CDC42BPA: variants seen among roughly 807,000 people sequenced by gnomAD.
CDC42BPA encodes the protein serine/threonine-protein kinase MRCK alpha.
In CDC42BPA, 80 loss-of-function variants were observed where a neutral mutation model predicts 223.5. The ratio of observed to expected loss-of-function variants is 0.36; its 90% confidence interval spans 0.30 to 0.43. The LOEUF is 0.43. CDC42BPA is among the 20% of genes least tolerant of loss of function. The pLI is 1.00. For synonymous variants in CDC42BPA, 694 were observed against 718.6 expected (o/e 0.97, Z 0.55); for missense variants, 1,743 against 2,099.9 (o/e 0.83, Z 3.32).
chr1:227,168,127 G>A (rs1665374726), intron 5 of CDC42BPA, among the ~76,000 whole-genome samples: 1 of 152,058 alleles, frequency 6.6e-6, no homozygotes, highest in Non-Finnish European at 1.5e-5. Context: ...GTTTCACCAT[G>A]TTAGTCAGGC....
At chr1:227,161,151 G>A (rs546905772) in intron 5 of CDC42BPA, among the ~76,000 whole-genome samples, 37 of 152,258 alleles carry the variant, frequency 2.4e-4, no homozygotes, top group Admixed American at 2.2e-3. Context: ...CTAATAGACT[G>A]TCTATATTAT....
At chr1:227,232,287 T>C (rs555993691) in intron 2 of CDC42BPA, among the ~76,000 whole-genome samples, 9 of 152,258 alleles carry the variant, frequency 5.9e-5, no homozygotes, top group Admixed American at 1.3e-4. Context: ...AAGATCAGAT[T>C]GTAGATGTGT....
intron 16 of CDC42BPA, among the ~76,000 whole-genome samples, chr1:227,090,465 G>A (rs1682867804): frequency 6.6e-6 from 1 of 152,046 alleles, no homozygotes; most frequent in South Asian, 2.1e-4. Flanking sequence ...CAATTAACCA[G>A]CCCTTATTAT....
At chr1:227,011,935 C>A (rs966062870) in intron 34 of CDC42BPA, among the ~76,000 whole-genome samples, 1 of 152,110 alleles carries the variant, frequency 6.6e-6, no homozygotes, top group Admixed American at 6.5e-5. Flanking sequence ...AGAGTGCTAA[C>A]TGAATCCAGC....
chr1:227,194,707 A>T (rs980399284), intron 4 of CDC42BPA, among the ~76,000 whole-genome samples: 2 of 152,206 alleles, frequency 1.3e-5, no homozygotes, highest in Non-Finnish European at 2.9e-5. Flanking sequence ...TTACATATAC[A>T]TGTGTATTTG....
rs375780018 is a variant in CDC42BPA at position 227,066,162 on chromosome 1, G to A, written c.2904+3615C>T. 2.0e-3 allele frequency among the ~76,000 whole-genome samples: 297 copies of A among 152,220 alleles called. 2 individuals carry two copies. The highest frequency in any genetic ancestry group is 6.7e-3 in the African/African-American group (278 of 41,528). On this transcript the variant is annotated intron_variant, in intron 21 of 36. Coordinates refer to ENST00000366766, the MANE Select transcript of CDC42BPA (RefSeq NM_001394014.1). ...TCCCAGCACTTTGAGAGGTTGAGACGGGCGGATCATGAGGTCAGGAGTTCA... is the reference window on the plus strand; with the variant it reads ...TCCCAGCACTTTGAGAGGTTGAGACAGGCGGATCATGAGGTCAGGAGTTCA...
chr1:227,059,658 G>A (rs961280379), intron 21 of CDC42BPA, among the ~76,000 whole-genome samples: 2 of 152,138 alleles, frequency 1.3e-5, no homozygotes, highest in Non-Finnish European at 2.9e-5. Context: ...CACAAAATAA[G>A]CCTTCATCAA....
At chr1:227,018,032 AATTATT>A (rs56236828) in intron 32 of CDC42BPA, among the ~76,000 whole-genome samples, 24 of 145,106 alleles carry the variant, frequency 1.7e-4, no homozygotes, top group South Asian at 6.5e-4. Context: ...TTAAAAATAG[AATTATT>A]ATTATTATTA....
intron 34 of CDC42BPA, among the ~76,000 whole-genome samples, chr1:227,013,633 T>G (rs187782197): frequency 1.3e-5 from 2 of 152,120 alleles, no homozygotes; most frequent in African/African-American, 4.8e-5. Flanking sequence ...CGGGCTAGAA[T>G]AGAATGTCTA....
intron 2 of CDC42BPA, 51 bp downstream of exon 2, chr1:227,254,013 A>G (rs1333920994): frequency 2.0e-6 from 2 of 993,382 alleles, no homozygotes; most frequent in Non-Finnish European, 3.2e-6. Context: ...AATTGTGTTC[A>G]ACAGCTTCCA....
intron 5 of CDC42BPA, among the ~76,000 whole-genome samples, chr1:227,187,567 A>G (rs553045679): frequency 2.0e-4 from 30 of 151,620 alleles, no homozygotes; most frequent in African/African-American, 7.2e-4. Context: ...TGGGAATACC[A>G]GAAGGAAATG....
intron 1 of CDC42BPA, among the ~76,000 whole-genome samples, chr1:227,292,193 G>A (rs1328940300): frequency 3.9e-5 from 6 of 152,028 alleles, no homozygotes; most frequent in African/African-American, 1.4e-4. Flanking sequence ...ATATTGGCCG[G>A]GCTGGTCTCA....
chr1:227,039,108 A>T (rs1247317561), intron 24 of CDC42BPA, among the ~76,000 whole-genome samples: 1 of 152,162 alleles, frequency 6.6e-6, no homozygotes, highest in African/African-American at 2.4e-5. Flanking sequence ...ATCATTAGGC[A>T]TCCACCTTAC....
At chr1:227,182,913 C>G (rs758735379) in intron 5 of CDC42BPA, 2 of 152,212 alleles carry the variant, frequency 1.3e-5, no homozygotes, top group East Asian at 3.9e-4. Context: ...CATCAGACTC[C>G]AGGTTCACCA....
chr1:227,098,228 G>A (rs12403833), intron 15 of CDC42BPA, among the ~76,000 whole-genome samples: 14,591 of 151,754 alleles, frequency 0.096, 876 homozygotes, highest in Middle Eastern at 0.16. Context: ...ATCATCTCTT[G>A]ACTTCCAAAA....
In CDC42BPA at chr1:227,101,132, T is replaced by G; in HGVS notation, c.2109A>C (p.Glu703Asp). The G allele has an allele frequency of 6.3e-7, 1 of 1,576,850 alleles. No homozygotes were observed. Among genetic ancestry groups the G allele is most frequent in the South Asian group, 1.1e-5 (1 of 90,116 alleles). ...LEKKSIFYEE[E>D]LSKREGIHAN... ...CATGTATTCCTTCTCTTTTAGATAA[T>G]TCTTCTTCATAAAAGATACTTTTCT... The change falls in exon 15 of 37, where the codon GAA (glutamate) becomes GAC (aspartate). Residue 703 changes from glutamate to aspartate, a missense_variant. Transcript: ENST00000366766.
At chr1:227,297,967 T>TATACACACACACACACAC (rs369403944) in intron 1 of CDC42BPA, among the ~76,000 whole-genome samples, 18 of 132,044 alleles carry the variant, frequency 1.4e-4, no homozygotes, top group African/African-American at 5.0e-4. Flanking sequence ...TATATACATA[T>TATACACACACACACACAC]ACACACACAC....
At chr1:227,123,559 A>G (rs1016361964) in intron 11 of CDC42BPA, among the ~76,000 whole-genome samples, 1 of 152,156 alleles carries the variant, frequency 6.6e-6, no homozygotes, top group African/African-American at 2.4e-5. Context: ...ATCAAATGCA[A>G]ATTGTGTGGC....
chr1:227,283,787 T>C (rs1688379426), intron 1 of CDC42BPA, among the ~76,000 whole-genome samples: 2 of 152,210 alleles, frequency 1.3e-5, no homozygotes, highest in South Asian at 4.1e-4. Flanking sequence ...AATGCTTTAT[T>C]AGGCCAGGCA....
Sources: gnomAD v4.1 joint callset for allele counts (sites outside exome capture counted in the v4.1 genomes callset) on GRCh38, gnomAD v4.1.1 for gene constraint, MANE v1.5 for transcripts, NCBI Gene and HGNC (gene_info 2026-07-23, HGNC 2026-07-21) for gene names.